SYNE1: variants seen among roughly 807,000 people sequenced by gnomAD.
SYNE1 encodes the protein nesprin-1.
In SYNE1, 616 loss-of-function variants were observed where a neutral mutation model predicts 1,111.0. The observed-to-expected ratio is 0.55, with a 90% CI of 0.52 to 0.59. The LOEUF is 0.59. Ranked by LOEUF, SYNE1 falls within the 20% of genes least tolerant of loss-of-function variation. The pLI, the probability that SYNE1 is intolerant of heterozygous loss-of-function variation, is 0.00. For synonymous variants in SYNE1, 3,855 were observed against 3,825.8 expected, an observed-to-expected ratio of 1.01 and a Z score of -0.28; for missense variants, 10,006 against 10,417.0, an observed-to-expected ratio of 0.96 and a Z score of 1.72.
chr6:152,354,839 G>A lies in SYNE1; in HGVS notation c.10746C>T (p.Tyr3582=). The A allele has an allele frequency of 6.2e-7, 1 of 1,614,124 alleles. No homozygotes were observed. Among genetic ancestry groups the A allele is most frequent in the Non-Finnish European group, 8.5e-7 (1 of 1,180,034 alleles). Reference sequence around the variant, plus strand: ...TTCGAGTCTCGGACAGCCTGTGCTGGTAAGCCTGCCAGTCTTGCCGGAGAG... The same window carrying A: ...TTCGAGTCTCGGACAGCCTGTGCTGATAAGCCTGCCAGTCTTGCCGGAGAG... ...LESLRQDWQA[Y]QHRLSETRTQ... is the part of the protein sequence containing the mutation. The change falls in exon 67 of 146, where the codon TAC becomes TAT. Residue 3582 remains tyrosine, a synonymous_variant. Coordinates refer to ENST00000367255, the MANE Select transcript of SYNE1 (RefSeq NM_182961.4).
chr6:152,362,928 T>G (rs1430691852), intron 63 of SYNE1, among the ~76,000 whole-genome samples: 1 of 151,724 alleles, frequency 6.6e-6, no homozygotes, highest in Non-Finnish European at 1.5e-5. Context: ...TCACCCAGGC[T>G]GGAGTGCAGT....
chr6:152,139,654 AAAAG>A (rs950930747), intron 140 of SYNE1, among the ~76,000 whole-genome samples: 2 of 148,764 alleles, frequency 1.3e-5, no homozygotes, highest in African/African-American at 5.0e-5. Context: ...AGAAAGAAAA[AAAAG>A]AAGGAAGGAA....
At position 152,323,519 on chromosome 6, in the gene SYNE1, C is replaced by A; in HGVS notation, c.15876G>T (p.Pro5292=). The stretch of plus-strand genomic sequence containing the variant: ...GCATGGCGGTGATTTCCTGCATGAG[C>A]GGAGGCTCTTCCCCAGGGGTTGGGG... ...GAAPTPGEEP[P]LMQEITAMQD... is the part of the protein sequence containing the mutation. The change falls in exon 82 of 146, where the codon CCG becomes CCT. Residue 5292 remains proline (P), a synonymous_variant. Coordinates refer to ENST00000367255, the MANE Select transcript of SYNE1 (RefSeq NM_182961.4). 1 of 1,614,066 alleles carries A rather than the reference C, an allele frequency of 6.2e-7. No homozygotes were observed. Among genetic ancestry groups the A allele is most frequent in the Non-Finnish European group, 8.5e-7 (1 of 1,179,976 alleles).
intron 11 of SYNE1, 111 bp downstream of exon 11, chr6:152,498,631 A>T (rs578081950): frequency 1.6e-6 from 1 of 643,738 alleles, no homozygotes; most frequent in African/African-American, 1.9e-5. Flanking sequence ...TGATTAAAGT[A>T]TTAAGAGAAA....
At chr6:152,626,267 C>T (rs567340654) in intron 3 of SYNE1, among the ~76,000 whole-genome samples, 2 of 145,200 alleles carry the variant, frequency 1.4e-5, no homozygotes, top group Non-Finnish European at 3.1e-5. Context: ...CTGTTTGCAA[C>T]TTTCACTTAT....
chr6:152,543,079 C>T (rs999515177), intron 3 of SYNE1, among the ~76,000 whole-genome samples: 5 of 151,864 alleles, frequency 3.3e-5, no homozygotes, highest in Non-Finnish European at 7.4e-5. Flanking sequence ...GTTATATTTT[C>T]ACTATTATAA....
chr6:152,180,406 T>C, intron 128 of SYNE1, 112 bp from the exon 129 acceptor site: 1 of 1,040,394 alleles, frequency 9.6e-7, no homozygotes, highest in Non-Finnish European at 1.4e-6. Context: ...CATACATCTT[T>C]TTAGCCCACT....
intron 11 of SYNE1, among the ~76,000 whole-genome samples, chr6:152,488,851 C>T (rs2098955387): frequency 6.6e-6 from 1 of 151,950 alleles, no homozygotes; most frequent in South Asian, 2.1e-4. Context: ...TTGCTTCCTA[C>T]CCAAAGCCAT....
chr6:152,511,094 C>G lies in SYNE1; in HGVS notation c.319G>C (p.Val107Leu). The G allele has an allele frequency of 6.2e-7, 1 of 1,613,594 alleles. No homozygotes were observed. Among genetic ancestry groups the G allele is most frequent in the Non-Finnish European group, 8.5e-7 (1 of 1,179,668 alleles). The change falls in exon 7 of 146, where the codon GTC becomes CTC. Residue 107 changes from valine (V) to leucine (L), a missense_variant. Coordinates refer to ENST00000367255, the MANE Select transcript of SYNE1 (RefSeq NM_182961.4). ...GCTATATCGGTGGAGTTAATGTTGA[C>G]TAATTTAATCTGTTTAAAAAAGAGA... Reference protein sequence around the residue: ...KFLEGRKIKLVNINSTDIADG... With the variant: ...KFLEGRKIKLLNINSTDIADG...
intron 117 of SYNE1, among the ~76,000 whole-genome samples, chr6:152,222,277 C>T (rs1048776921): frequency 1.2e-4 from 18 of 152,314 alleles, no homozygotes; most frequent in Admixed American, 7.2e-4. Context: ...CTGAGAAATC[C>T]TTTAAGTGCT....
At chr6:152,447,361 T>C (rs1231639142) in intron 29 of SYNE1, 97 bp downstream of exon 29, 5 of 1,367,006 alleles carry the variant, frequency 3.7e-6, no homozygotes, top group Non-Finnish European at 5.1e-6. Flanking sequence ...CTATGGTTTC[T>C]TTATAAAATT....
In SYNE1 at chr6:152,156,198, A is replaced by G. The variant is rs534923234; in HGVS notation, c.23791-101T>C. ...GTAAATGGCTAGGCTACACCTTGACAAATATTTAATTTCCTTGAATGTATG... is the reference window on the plus strand; with the variant it reads ...GTAAATGGCTAGGCTACACCTTGACGAATATTTAATTTCCTTGAATGTATG... On this transcript the variant is annotated intron_variant, in intron 131 of 145. Coordinates refer to ENST00000367255, the MANE Select transcript of SYNE1 (RefSeq NM_182961.4). The G allele has an allele frequency of 2.4e-6, 3 of 1,227,702 alleles. No individual in the cohort carries two copies. In the East Asian group the frequency reaches 7.1e-5, roughly 29 times the overall value. 76.1% of individuals were successfully genotyped at this position (1,227,702 alleles called of 1,614,324 possible).
chr6:152,530,885 A>G (rs1041423824), intron 4 of SYNE1, among the ~76,000 whole-genome samples: 12 of 151,948 alleles, frequency 7.9e-5, no homozygotes, highest in Non-Finnish European at 1.5e-4. Flanking sequence ...AGCCTCCCAA[A>G]GTGCTGGGAT....
intron 32 of SYNE1, among the ~76,000 whole-genome samples, chr6:152,439,163 C>T (rs1202728834): frequency 6.6e-6 from 1 of 151,904 alleles, no homozygotes; most frequent in African/African-American, 2.4e-5. Flanking sequence ...TACATCAATC[C>T]CAAAGCATAG....
At chr6:152,311,859 T>C (rs976315695) in intron 87 of SYNE1, among the ~76,000 whole-genome samples, 1 of 151,566 alleles carries the variant, frequency 6.6e-6, no homozygotes, top group Non-Finnish European at 1.5e-5. Context: ...CTCTGCAAGC[T>C]CCGCCTCCCG....
chr6:152,510,449 C>T (rs1430538312), intron 7 of SYNE1, 78 bp from the exon 8 acceptor site: 8 of 1,506,014 alleles, frequency 5.3e-6, no homozygotes, highest in Non-Finnish European at 7.2e-6. Flanking sequence ...ACTTTTCCAG[C>T]AACAAATGAG....
intron 95 of SYNE1, among the ~76,000 whole-genome samples, chr6:152,285,065 T>C (rs1327427289): frequency 1.3e-5 from 2 of 152,164 alleles, no homozygotes; most frequent in Admixed American, 1.3e-4. Context: ...ACACCTGCCC[T>C]AAGTTTCAGG....
chr6:152,599,292 G>A (rs1349196863), intron 3 of SYNE1, among the ~76,000 whole-genome samples: 1 of 152,160 alleles, frequency 6.6e-6, no homozygotes, highest in Non-Finnish European at 1.5e-5. Context: ...GAATACAGAG[G>A]AAGAATGCTC....
intron 145 of SYNE1, chr6:152,127,059 A>G (rs1202253387): frequency 6.6e-6 from 1 of 152,172 alleles, no homozygotes; most frequent in Non-Finnish European, 1.5e-5. Flanking sequence ...TATATGGTTC[A>G]GGAGACAAGT....
Sources: allele counts gnomAD v4.1 joint callset (sites outside exome capture counted in the v4.1 genomes callset), GRCh38; gene constraint gnomAD v4.1.1; transcripts MANE v1.5; gene names NCBI Gene and HGNC (gene_info 2026-07-23, HGNC 2026-07-21).